Variants in LARGE1 observed in about 807,000 individuals in gnomAD.
LARGE1 encodes LARGE xylosyl- and glucuronyltransferase 1.
A neutral mutation model predicts 87.6 loss-of-function variants in LARGE1; 43 were observed. The ratio of observed to expected loss-of-function variants is 0.49; its 90% CI spans 0.38 to 0.63. LARGE1 has a LOEUF of 0.63. Ranked by LOEUF, LARGE1 falls within the 30% of genes least tolerant of loss-of-function variation. LARGE1 has a pLI of 0.00. For missense variants in LARGE1, 802 were observed against 1,000.2 expected (o/e 0.80, Z 2.67); for synonymous variants, 434 against 394.6 (o/e 1.10, Z -1.18).
intron 6 of LARGE1, among the ~76,000 whole-genome samples, chr22:33,526,368 A>C (rs2071894849): frequency 6.6e-6 from 1 of 152,244 alleles, no homozygotes; most frequent in African/African-American, 2.4e-5. Flanking sequence ...GATGACACTT[A>C]AAGAAAAGAG....
intron 4 of LARGE1, among the ~76,000 whole-genome samples, chr22:33,624,979 A>ACGAAT (rs2079877141): frequency 6.6e-6 from 1 of 152,188 alleles, no homozygotes; most frequent in African/African-American, 2.4e-5. Flanking sequence ...AGAACCAATG[A>ACGAAT]CGAATCCCAG....
chr22:33,206,113 C>G (rs1174354712), intron 11 of LARGE1, among the ~76,000 whole-genome samples: 1 of 152,042 alleles, frequency 6.6e-6, no homozygotes, highest in East Asian at 1.9e-4. Flanking sequence ...CGCCACCACA[C>G]CCGGCTAATT....
the LARGE1 span, among the ~76,000 whole-genome samples, chr22:33,114,719 T>C: frequency 6.6e-6 from 1 of 152,188 alleles, no homozygotes; most frequent in Non-Finnish European, 1.5e-5. Flanking sequence ...TCTGTGGCCT[T>C]AGGGAGGTAA....
At chr22:33,793,173 G>C (rs2085875742) in intron 1 of LARGE1, among the ~76,000 whole-genome samples, 2 of 152,168 alleles carry the variant, frequency 1.3e-5, no homozygotes, top group South Asian at 4.1e-4. Flanking sequence ...GCAATCCAAA[G>C]AAGAGCTGAA....
rs1207119296 is a variant in LARGE1, at chr22:33,203,089, CTCTCTCTCTCTCTG to C, written c.1731-36271_1731-36258del. ...AAACTCTCTCTCTCTCTCTCTCTCT[CTCTCTCTCTCTCTG>C]TGTGTGTGTGTGTGTGTGTGTGCAA... On this transcript the variant is annotated intron_variant, in intron 11 of 11. Transcript: ENST00000608642. Among the ~76,000 whole-genome samples the C allele has an allele frequency of 1.0e-3, 133 of 133,532 alleles. 1 individual carries two copies. Among genetic ancestry groups the C allele is most frequent in the Middle Eastern group, 8.8e-3 (2 of 228 alleles). 87.6% of individuals were successfully genotyped at this position (133,532 alleles called of 152,430 possible).
At chr22:33,907,153 G>A (rs765864404) in intron 1 of LARGE1, among the ~76,000 whole-genome samples, 1 of 152,090 alleles carries the variant, frequency 6.6e-6, no homozygotes, top group Non-Finnish European at 1.5e-5. Context: ...GCTAGTGCCT[G>A]GATCACACAA....
At chr22:33,540,236 A>G (rs9621716) in intron 6 of LARGE1, among the ~76,000 whole-genome samples, 5,305 of 152,286 alleles carry the variant, frequency 0.035, 313 homozygotes, top group African/African-American at 0.12. Context: ...CGACAAAAAC[A>G]ACAGAGCCAT....
intron 6 of LARGE1, among the ~76,000 whole-genome samples, chr22:33,528,311 C>T (rs1487660170): frequency 6.6e-6 from 1 of 152,024 alleles, no homozygotes; most frequent in Admixed American, 6.6e-5. Flanking sequence ...CCGTCAGAAA[C>T]CAGAAACAGA....
chr22:33,804,130 G>GCCATCCTTAGAAAGGCCTGCTTAAC (rs1420481246), intron 1 of LARGE1, among the ~76,000 whole-genome samples: 1 of 152,162 alleles, frequency 6.6e-6, no homozygotes, highest in Non-Finnish European at 1.5e-5. Context: ...AATCCTGACT[G>GCCATCCTTAGAAAGGCCTGCTTAAC]CCATCCTTAG....
At chr22:33,737,011 C>T (rs2083679210) in intron 2 of LARGE1, among the ~76,000 whole-genome samples, 2 of 152,108 alleles carry the variant, frequency 1.3e-5, no homozygotes, top group Admixed American at 1.3e-4. Context: ...GTCAAACCTC[C>T]CTGACATGCA....
chr22:33,877,818 A>C (rs1038527543), intron 1 of LARGE1, among the ~76,000 whole-genome samples: 2 of 151,898 alleles, frequency 1.3e-5, no homozygotes, highest in Admixed American at 1.3e-4. Context: ...GCTACTCGGG[A>C]GGCTGAGGCA....
At chr22:33,394,122 G>C (rs2065635373) in intron 7 of LARGE1, among the ~76,000 whole-genome samples, 1 of 146,300 alleles carries the variant, frequency 6.8e-6, no homozygotes, top group Admixed American at 6.7e-5. Flanking sequence ...GGGTGACAAT[G>C]ATGATAATAC....
intron 6 of LARGE1, among the ~76,000 whole-genome samples, chr22:33,495,378 T>G (rs1382941209): frequency 6.6e-6 from 1 of 152,180 alleles, no homozygotes; most frequent in Admixed American, 6.5e-5. Flanking sequence ...TGCTATATAG[T>G]GTAAAAACAA....
chr22:33,517,346 T>C (rs566123377), intron 6 of LARGE1, among the ~76,000 whole-genome samples: 8 of 152,256 alleles, frequency 5.3e-5, no homozygotes, highest in African/African-American at 1.9e-4. Context: ...AGTTGTCCAA[T>C]AAAAAGGGCT....
the LARGE1 span, among the ~76,000 whole-genome samples, chr22:33,111,391 G>A: frequency 2.0e-5 from 3 of 152,136 alleles, no homozygotes; most frequent in South Asian, 2.1e-4. Context: ...TACCAAGGGC[G>A]TTAATAAAAC....
At chr22:33,679,468 G>GCA (rs113355241) in intron 2 of LARGE1, among the ~76,000 whole-genome samples, 12,459 of 147,462 alleles carry the variant, frequency 0.084, 550 homozygotes, top group Middle Eastern at 0.13. Context: ...ACACACACAC[G>GCA]CACACACACA....
chr22:33,777,034 A>AT (rs2085260738), intron 1 of LARGE1, among the ~76,000 whole-genome samples: 2 of 152,160 alleles, frequency 1.3e-5, no homozygotes, highest in African/African-American at 4.8e-5. Flanking sequence ...AAACATGAAC[A>AT]TAAGTTGGGA....
At chr22:33,147,167 A>G in the LARGE1 span, among the ~76,000 whole-genome samples, 1 of 152,178 alleles carries the variant, frequency 6.6e-6, no homozygotes, top group Non-Finnish European at 1.5e-5. Flanking sequence ...GGACATTTGA[A>G]TGGCTTCCAG....
At chr22:33,272,087 G>C (rs185441932), downstream of LARGE1, among the ~76,000 whole-genome samples, 734 of 152,326 alleles carry the variant, frequency 4.8e-3, 5 homozygotes, top group African/African-American at 0.017. Context: ...AGGTGGCTGG[G>C]CATGAGTCAG....
Sources: gnomAD v4.1 joint callset for allele counts (sites outside exome capture counted in the v4.1 genomes callset) on GRCh38, gnomAD v4.1.1 for gene constraint, MANE v1.5 for transcripts, NCBI Gene and HGNC (gene_info 2026-07-23, HGNC 2026-07-21) for gene names.